Variants in SCLY observed in about 807,000 individuals in gnomAD.
SCLY encodes selenocysteine lyase.
In SCLY, 38 loss-of-function variants were observed where a neutral mutation model predicts 50.1. The observed-to-expected ratio is 0.76, with a 90% CI of 0.59 to 0.99. The LOEUF is 0.99. Among genes scored for constraint, SCLY ranks in the 50% least tolerant of loss-of-function variants. The pLI is 0.00. For missense variants in SCLY, 600 were observed against 620.0 expected, an observed-to-expected ratio of 0.97 and a Z score of 0.34; for synonymous variants, 243 against 249.4, an observed-to-expected ratio of 0.97 and a Z score of 0.24.
At position 238,081,794 on chromosome 2, in the gene SCLY, C is replaced by T. The variant is rs767531094; in HGVS notation, c.570C>T (p.Leu190=). ...ILAAVRPTTR[L]VTIMLANNET... ...CGGCAGTCCGCCCGACCACACGCCTCGTGACCATCATGCTGGCCAACAATG... is the reference window on the plus strand; with the variant it reads ...CGGCAGTCCGCCCGACCACACGCCTTGTGACCATCATGCTGGCCAACAATG... Residue 190 remains leucine, a synonymous_variant, in exon 5 of 12, where the codon CTC becomes CTT. Coordinates refer to ENST00000254663, the MANE Select transcript of SCLY (RefSeq NM_016510.7). 6.2e-6 allele frequency: 10 copies of T among 1,614,036 alleles called. 1 individual carries two copies. In the African/African-American group the frequency reaches 8.0e-5, roughly 13 times the overall value.
At position 238,098,637 on chromosome 2, in the gene SCLY, C is replaced by CGCCCACATGGGACCGCCCACATGGGAA. The variant is rs1691339662; in HGVS notation, c.*282_*283insGCCCACATGGGACCGCCCACATGGGAA. On this transcript the variant is annotated 3_prime_UTR_variant, in exon 12 of 12. Coordinates refer to ENST00000254663, the MANE Select transcript of SCLY (RefSeq NM_016510.7). Reference sequence around the variant, plus strand: ...CCCACATGGGACCGCCCACATGGGACCGCCCACATGGGACCGCCCACATAG... The same window carrying CGCCCACATGGGACCGCCCACATGGGAA: ...CCCACATGGGACCGCCCACATGGGACGCCCACATGGGACCGCCCACATGGGAACGCCCACATGGGACCGCCCACATAG... 7 of 285,076 alleles carry CGCCCACATGGGACCGCCCACATGGGAA rather than the reference C, an allele frequency of 2.5e-5. 1 individual carries two copies. The highest frequency in any genetic ancestry group is 2.4e-4 in the East Asian group (4 of 16,524). The allele number at this position is 285,076 out of a possible 1,614,324, so 17.7% of individuals were successfully genotyped here.
chr2:238,094,570 C>A, intron 10 of SCLY, 48 bp downstream of exon 10: 1 of 1,470,644 alleles, frequency 6.8e-7, no homozygotes, highest in Non-Finnish European at 9.5e-7. Flanking sequence ...ACAGCTCCCT[C>A]GGTGCGTGGA....
At chr2:238,080,170 A>G (rs1299347311) in intron 4 of SCLY, 1 of 151,648 alleles carries the variant, frequency 6.6e-6, no homozygotes, top group Non-Finnish European at 1.5e-5. Flanking sequence ...AGGACTCTCT[A>G]TTTGATGAGC....
rs954206415 is a variant in SCLY, at chr2:238,069,689, G to A, written c.484+212G>A. The A allele has an allele frequency of 1.1e-4, 50 of 470,736 alleles. No individual in the cohort carries two copies. The highest frequency in any genetic ancestry group is 7.6e-4 in the Admixed American group (18 of 23,702). 29.2% of individuals were successfully genotyped at this position (470,736 alleles called of 1,614,324 possible). On this transcript the variant is annotated intron_variant, in intron 4 of 11. Transcript: ENST00000254663. The surrounding 1 kb of genome is among the most constrained non-coding windows in gnomAD (Gnocchi z 5.0). Reference sequence around the variant, plus strand: ...ACTGGGCTCCCTGGCTGCCCCTCTCGGTGCAGAGGCCAGCTGCCACAAGGG... The same window carrying A: ...ACTGGGCTCCCTGGCTGCCCCTCTCAGTGCAGAGGCCAGCTGCCACAAGGG...
intron 8 of SCLY, 29 bp from the exon 9 acceptor site, chr2:238,093,832 G>A: frequency 6.3e-7 from 1 of 1,583,766 alleles, no homozygotes; most frequent in Non-Finnish European, 8.6e-7. Flanking sequence ...CAAGAATTGT[G>A]CATCCACTTG....
intron 4 of SCLY, chr2:238,073,783 C>G (rs1341368036): frequency 4.3e-6 from 2 of 465,948 alleles, no homozygotes; most frequent in Non-Finnish European, 8.8e-6. Flanking sequence ...TCCTCCTCAG[C>G]CTACTCAATG....
intron 4 of SCLY, among the ~76,000 whole-genome samples, chr2:238,076,583 C>T (rs1397390304): frequency 1.3e-5 from 2 of 151,052 alleles, no homozygotes; most frequent in Non-Finnish European, 1.5e-5. Context: ...TGCGGAAGGC[C>T]GCAGGGTCCT....
At chr2:238,095,955 T>C (rs1215814476) in intron 10 of SCLY, 1 of 151,708 alleles carries the variant, frequency 6.6e-6, no homozygotes, top group African/African-American at 2.4e-5. Context: ...TTGCCCAGGC[T>C]TGAGTACAGT....
chr2:238,081,924 G>C (rs897956751), intron 5 of SCLY, 88 bp downstream of exon 5: 11 of 1,578,108 alleles, frequency 7.0e-6, no homozygotes, highest in Non-Finnish European at 9.5e-6. Context: ...CCCAGCTCTG[G>C]CCTCTCCCGT....
chr2:238,082,920 CT>C (rs3835105), intron 6 of SCLY: 79,201 of 284,226 alleles, frequency 0.28, 7,173 homozygotes, highest in East Asian at 0.42. Flanking sequence ...CATTCTCTTT[CT>C]TTTTTTTTTT....
intron 7 of SCLY, among the ~76,000 whole-genome samples, chr2:238,084,754 C>T (rs965862555): frequency 1.4e-5 from 2 of 146,126 alleles, no homozygotes; most frequent in East Asian, 2.1e-4. Flanking sequence ...ATTAGCCAGG[C>T]GTGGTGGTGT....
At position 238,093,951 on chromosome 2, in the gene SCLY, G is replaced by T; in HGVS notation, c.1005+7G>T. The T allele has an allele frequency of 6.2e-7, 1 of 1,611,826 alleles. No homozygotes were observed. The highest frequency in any genetic ancestry group is 1.3e-5 in the African/African-American group (1 of 75,052). ...CCTGGAAGAGAGGCTGGAAGTGAGC[G>T]CAGCGTGGGGTGGGCACCAGGAGGG... On this transcript the variant is annotated splice_region_variant and intron_variant, in intron 9 of 11. Coordinates refer to ENST00000254663, the MANE Select transcript of SCLY (RefSeq NM_016510.7).
intron 7 of SCLY, among the ~76,000 whole-genome samples, chr2:238,085,755 C>T (rs2065289557): frequency 6.6e-6 from 1 of 152,068 alleles, no homozygotes; most frequent in South Asian, 2.1e-4. Context: ...TAAAATAGAG[C>T]TTCAGGGACC....
intron 7 of SCLY, among the ~76,000 whole-genome samples, chr2:238,088,023 G>A (rs1409327227): frequency 6.6e-6 from 1 of 152,180 alleles, no homozygotes; most frequent in Admixed American, 6.5e-5. Flanking sequence ...GTGAGCGTGG[G>A]AGGTCAAGGC....
intron 7 of SCLY, among the ~76,000 whole-genome samples, chr2:238,088,910 T>C (rs997935978): frequency 1.3e-5 from 2 of 152,222 alleles, no homozygotes; most frequent in African/African-American, 4.8e-5. Context: ...GTGCTGGAAG[T>C]TCTGGTCAGC....
intron 8 of SCLY, chr2:238,091,552 T>TCTACAC: frequency 9.7e-6 from 3 of 308,640 alleles, no homozygotes; most frequent in South Asian, 4.8e-5. Flanking sequence ...AGGTTCACCA[T>TCTACAC]TCCCAAAGGC....
At chr2:238,084,203 C>T (rs1436074292) in intron 7 of SCLY, among the ~76,000 whole-genome samples, 1 of 152,240 alleles carries the variant, frequency 6.6e-6, no homozygotes, top group Non-Finnish European at 1.5e-5. Flanking sequence ...GCACTCCCAC[C>T]ATGGTGTCAG....
At position 238,068,158 on chromosome 2, in the gene SCLY, G is replaced by C. The variant is rs754470254; in HGVS notation, c.296G>C (p.Gly99Ala). 1.2e-6 allele frequency: 2 copies of C among 1,604,214 alleles called. No homozygotes were observed. The highest frequency in any genetic ancestry group is 3.4e-5 in the Admixed American group (2 of 58,938). ...CAAGATATAATCTTCACTTCCGGGG[G>C]CACTGAGGTAAAGCTTCTGAACACA... Reference protein sequence around the residue: ...KPQDIIFTSGGTESNNLVIHS... With the variant: ...KPQDIIFTSGATESNNLVIHS... The change falls in exon 3 of 12, where the codon GGC becomes GCC. Residue 99 changes from glycine (G) to alanine (A), a missense_variant. By Grantham distance (60) the Gly-to-Ala change is moderately conservative. Coordinates refer to ENST00000254663, the MANE Select transcript of SCLY (RefSeq NM_016510.7).
intron 7 of SCLY, among the ~76,000 whole-genome samples, chr2:238,084,010 A>C (rs1478111283): frequency 6.6e-6 from 1 of 152,234 alleles, no homozygotes; most frequent in African/African-American, 2.4e-5. Flanking sequence ...CAAGACAGAA[A>C]ACTTTGAGAC....
Sources: gnomAD v4.1 joint callset for allele counts (sites outside exome capture counted in the v4.1 genomes callset) on GRCh38, gnomAD v4.1.1 for gene constraint, Gnocchi (gnomAD v3.1) non-coding constraint, MANE v1.5 for transcripts, NCBI Gene and HGNC (gene_info 2026-07-23, HGNC 2026-07-21) for gene names.